Variants in GRAMD1B observed in about 807,000 individuals in gnomAD.
GRAMD1B encodes the protein GRAM domain containing 1B, also known as protein Aster-B.
A neutral mutation model predicts 99.7 loss-of-function variants in GRAMD1B; 37 were observed. That is an observed-to-expected ratio of 0.37 (90% CI 0.29 to 0.49). GRAMD1B has a LOEUF of 0.49. GRAMD1B is among the 20% of genes least tolerant of loss of function. The pLI is 0.98. For missense variants in GRAMD1B, 888 were observed against 1,009.2 expected (o/e 0.88, Z 1.63); for synonymous variants, 427 against 387.6 (o/e 1.10, Z -1.19).
intron 1 of GRAMD1B, among the ~76,000 whole-genome samples, chr11:123,479,560 T>C (rs902408528): frequency 1.3e-5 from 2 of 152,212 alleles, no homozygotes; most frequent in African/African-American, 2.4e-5. Flanking sequence ...TAATAGAACC[T>C]ATGTGAAGCA....
At chr11:123,605,230 A>T in intron 9 of GRAMD1B, 92 bp from the exon 10 acceptor site, 1 of 862,926 alleles carries the variant, frequency 1.2e-6, no homozygotes, top group South Asian at 2.4e-5. Context: ...AATCTCATAG[A>T]TATGGATGGA....
At chr11:123,362,916 G>T (rs1184081583) in intron 1 of GRAMD1B, among the ~76,000 whole-genome samples, 1 of 152,076 alleles carries the variant, frequency 6.6e-6, no homozygotes, top group Non-Finnish European at 1.5e-5. Flanking sequence ...CCCTGGGAAG[G>T]AGAGAAAGAG....
At chr11:123,416,408 T>C (rs1481556352) in intron 1 of GRAMD1B, among the ~76,000 whole-genome samples, 4 of 152,212 alleles carry the variant, frequency 2.6e-5, no homozygotes, top group African/African-American at 9.6e-5. Flanking sequence ...AAGAGTTCTA[T>C]TCATACTAGT....
chr11:123,375,751 A>G (rs1946671504), intron 1 of GRAMD1B, among the ~76,000 whole-genome samples: 1 of 152,192 alleles, frequency 6.6e-6, no homozygotes, highest in Non-Finnish European at 1.5e-5. Flanking sequence ...AACAAATCCT[A>G]AGGATGAGGA....
At chr11:123,408,114 T>A (rs61904741) in intron 1 of GRAMD1B, among the ~76,000 whole-genome samples, 21,162 of 152,218 alleles carry the variant, frequency 0.14, 2,111 homozygotes, top group African/African-American at 0.29. Context: ...AGTGTGGGGC[T>A]GACTGTGTAG....
intron 1 of GRAMD1B, among the ~76,000 whole-genome samples, chr11:123,476,002 T>TG (rs1266920714): frequency 6.6e-6 from 1 of 152,140 alleles, no homozygotes; most frequent in African/African-American, 2.4e-5. Context: ...AAAGGGTGTG[T>TG]GTGAGAGGGT....
At chr11:123,504,353 C>A (rs1245538896) in intron 2 of GRAMD1B, among the ~76,000 whole-genome samples, 2 of 152,316 alleles carry the variant, frequency 1.3e-5, no homozygotes, top group South Asian at 4.1e-4. Flanking sequence ...CTGATATCTC[C>A]CTCATAGCTG....
At chr11:123,399,646 G>T (rs1947589345) in intron 1 of GRAMD1B, among the ~76,000 whole-genome samples, 1 of 151,634 alleles carries the variant, frequency 6.6e-6, no homozygotes, top group South Asian at 2.1e-4. Context: ...GTCTTGCTCT[G>T]TTGCCCAGGC....
intron 2 of GRAMD1B, among the ~76,000 whole-genome samples, chr11:123,569,593 C>A (rs1947827310): frequency 6.6e-6 from 1 of 152,246 alleles, no homozygotes; most frequent in Non-Finnish European, 1.5e-5. Flanking sequence ...ATGTAAATTT[C>A]ATGCAAATGT....
intron 2 of GRAMD1B, among the ~76,000 whole-genome samples, chr11:123,514,527 G>A (rs907227104): frequency 1.3e-5 from 2 of 152,212 alleles, no homozygotes; most frequent in Non-Finnish European, 2.9e-5. Flanking sequence ...GGCTGTGGGT[G>A]CAGAGATCTG....
chr11:123,531,166 TTTACTTTATTATTCTGTGGGA>T (rs1048372877), intron 2 of GRAMD1B, among the ~76,000 whole-genome samples: 2 of 152,130 alleles, frequency 1.3e-5, no homozygotes, highest in Non-Finnish European at 2.9e-5. Flanking sequence ...CAGTGTGAGA[TTTACTTTATTATTCTGTGGGA>T]TGGGAATTGG....
intron 2 of GRAMD1B, among the ~76,000 whole-genome samples, chr11:123,505,506 C>G (rs1852395736): frequency 6.6e-6 from 1 of 152,208 alleles, no homozygotes; most frequent in African/African-American, 2.4e-5. Flanking sequence ...ACACCTAACT[C>G]TTAGGTAATA....
intron 2 of GRAMD1B, among the ~76,000 whole-genome samples, chr11:123,545,456 T>G (rs1025275023): frequency 1.3e-5 from 2 of 152,294 alleles, no homozygotes; most frequent in Middle Eastern, 3.4e-3. Context: ...CATCAGAATA[T>G]CTGCCTGGGG....
intron 2 of GRAMD1B, among the ~76,000 whole-genome samples, chr11:123,497,531 G>T: frequency 6.6e-6 from 1 of 152,064 alleles, no homozygotes; most frequent in Admixed American, 6.6e-5. Context: ...GGCCCCAGAT[G>T]AGTCCAGAGA....
At chr11:123,517,804 T>G (rs554769058) in intron 2 of GRAMD1B, among the ~76,000 whole-genome samples, 3 of 152,294 alleles carry the variant, frequency 2.0e-5, no homozygotes, top group Admixed American at 6.5e-5. Context: ...TCATCTGTAT[T>G]TTTAAAAATG....
At chr11:123,551,328 G>A (rs1328451582) in intron 2 of GRAMD1B, among the ~76,000 whole-genome samples, 1 of 152,210 alleles carries the variant, frequency 6.6e-6, no homozygotes, top group East Asian at 1.9e-4. Flanking sequence ...ATTACTCCAG[G>A]CAGCTGGGGA....
intron 2 of GRAMD1B, among the ~76,000 whole-genome samples, chr11:123,553,546 C>T (rs946090658): frequency 1.6e-4 from 25 of 152,252 alleles, no homozygotes; most frequent in African/African-American, 5.8e-4. Flanking sequence ...GCTTCCTCAC[C>T]CTTCAATCTC....
chr11:123,475,569 T>C (rs1017550561), intron 1 of GRAMD1B, among the ~76,000 whole-genome samples: 1 of 152,262 alleles, frequency 6.6e-6, no homozygotes, highest in Non-Finnish European at 1.5e-5. Context: ...CTTGAGCGAA[T>C]GGCAAGCAGT....
intron 1 of GRAMD1B, among the ~76,000 whole-genome samples, chr11:123,438,799 A>G (rs776869975): frequency 6.6e-6 from 1 of 152,164 alleles, no homozygotes; most frequent in African/African-American, 2.4e-5. Context: ...TCCAATTGCT[A>G]TGCTGGTCAC....
Sources: gnomAD v4.1 joint callset for allele counts (sites outside exome capture counted in the v4.1 genomes callset) on GRCh38, gnomAD v4.1.1 for gene constraint, MANE v1.5 for transcripts, NCBI Gene and HGNC (gene_info 2026-07-23, HGNC 2026-07-21) for gene names.